The following PRELID2 variants were observed in gnomAD, a reference collection of about 807,000 sequenced individuals.
The protein encoded by PRELID2 is PRELI domain containing 2.
Under a neutral mutation model 28.4 loss-of-function variants are expected in PRELID2, and 25 were observed. The ratio of observed to expected loss-of-function variants is 0.88; its 90% CI spans 0.64 to 1.23. The LOEUF (loss-of-function observed/expected upper bound fraction) is 1.23. Ranked by LOEUF, PRELID2 falls within the 50% of genes most tolerant of loss-of-function variation. The pLI is 0.00. For missense variants in PRELID2, 201 were observed against 214.4 expected, an observed-to-expected ratio of 0.94 and a Z score of 0.39; for synonymous variants, 76 against 71.6, an observed-to-expected ratio of 1.06 and a Z score of -0.31.
chr5:145,340,474 A>G, the PRELID2 span, among the ~76,000 whole-genome samples: 1 of 152,126 alleles, frequency 6.6e-6, no homozygotes, highest in Admixed American at 6.5e-5. Flanking sequence ...AGGCCTAGGA[A>G]TCAGGCTTTC....
chr5:145,499,139 T>A (rs760636822), intron 1 of PRELID2, among the ~76,000 whole-genome samples: 16 of 152,118 alleles, frequency 1.1e-4, no homozygotes, highest in Non-Finnish European at 2.1e-4. Context: ...TTCTAGCTAC[T>A]TGGGAGGCTA....
intron 1 of PRELID2, among the ~76,000 whole-genome samples, chr5:145,592,010 G>A (rs559359244): frequency 6.6e-6 from 1 of 152,294 alleles, no homozygotes; most frequent in East Asian, 1.9e-4. Flanking sequence ...TGCTGAGAGA[G>A]AGGAAAATTT....
the PRELID2 span, among the ~76,000 whole-genome samples, chr5:145,358,280 G>A: frequency 1.4e-4 from 21 of 152,172 alleles, 1 homozygote; most frequent in Middle Eastern, 0.01. Flanking sequence ...GGTGGATGGA[G>A]TTGTTCACCT....
the PRELID2 span, among the ~76,000 whole-genome samples, chr5:145,420,357 C>T: frequency 6.6e-6 from 1 of 151,930 alleles, no homozygotes; most frequent in African/African-American, 2.4e-5. Flanking sequence ...ATTCTTCCTA[C>T]CCATGAGCAT....
At chr5:145,502,305 G>A (rs1752366694) in intron 1 of PRELID2, among the ~76,000 whole-genome samples, 2 of 152,092 alleles carry the variant, frequency 1.3e-5, no homozygotes, top group Non-Finnish European at 2.9e-5. Context: ...TCCCTATCAT[G>A]AGAACAGCAC....
chr5:145,774,879 T>C (rs1198957607), intron 5 of PRELID2, among the ~76,000 whole-genome samples: 1 of 152,092 alleles, frequency 6.6e-6, no homozygotes, highest in Non-Finnish European at 1.5e-5. Context: ...TACCTATAAG[T>C]CAATTACATA....
chr5:145,828,515 C>A (rs1319282538), intron 1 of PRELID2, among the ~76,000 whole-genome samples: 1 of 152,094 alleles, frequency 6.6e-6, no homozygotes, highest in Admixed American at 6.5e-5. Flanking sequence ...CGTGCTTTAC[C>A]AGTTCGGAAT....
At chr5:145,751,842 C>T (rs1434134675), downstream of PRELID2, among the ~76,000 whole-genome samples, 2 of 151,994 alleles carry the variant, frequency 1.3e-5, no homozygotes, top group African/African-American at 4.8e-5. Flanking sequence ...ATTAGCTAGG[C>T]GTGGTGGCGG....
the PRELID2 span, among the ~76,000 whole-genome samples, chr5:145,380,350 G>C: frequency 3.9e-5 from 6 of 152,028 alleles, no homozygotes; most frequent in Non-Finnish European, 8.8e-5. Context: ...TCCACTCTTG[G>C]TGCCTTCCCT....
At chr5:145,607,607 G>C (rs562210472) in intron 1 of PRELID2, among the ~76,000 whole-genome samples, 1 of 152,238 alleles carries the variant, frequency 6.6e-6, no homozygotes, top group South Asian at 2.1e-4. Context: ...GTCCAAGAGT[G>C]TGTTTGGTAC....
chr5:145,394,271 T>C, the PRELID2 span, among the ~76,000 whole-genome samples: 1 of 152,150 alleles, frequency 6.6e-6, no homozygotes, highest in African/African-American at 2.4e-5. Flanking sequence ...GATGAGTTCA[T>C]GTCCTTTGTA....
chr5:145,662,944 C>A (rs1474531399), intron 1 of PRELID2, among the ~76,000 whole-genome samples: 1 of 152,124 alleles, frequency 6.6e-6, no homozygotes, highest in Non-Finnish European at 1.5e-5. Context: ...AGTACAGATT[C>A]TACACCTGTA....
the PRELID2 span, among the ~76,000 whole-genome samples, chr5:145,464,089 G>C: frequency 6.6e-6 from 1 of 152,116 alleles, no homozygotes; most frequent in Admixed American, 6.5e-5. Flanking sequence ...ACATATTAAA[G>C]ATATTAAATC....
rs560697872 is a variant in PRELID2 at position 145,713,762 on chromosome 5, T to C, written n.70+51169A>G. 4.8e-5 allele frequency among the ~76,000 whole-genome samples: 7 copies of C among 144,464 alleles called. No individual in the cohort carries two copies. The South Asian group carries it at 1.3e-3, about 27-fold the overall frequency. 94.8% of individuals were successfully genotyped at this position (144,464 alleles called of 152,430 possible). ...AGAGTTCTTCTGGCACATATATATA[T>C]GCCAGAAGACAATGGAATTACATTT... On this transcript the variant is annotated intron_variant and non_coding_transcript_variant, in intron 1 of 2. Transcript: ENST00000510259.
chr5:145,575,763 G>GAA (rs1753055436), intron 1 of PRELID2, among the ~76,000 whole-genome samples: 1 of 152,144 alleles, frequency 6.6e-6, no homozygotes. Context: ...GGAGCATGAG[G>GAA]AAGATTACAT....
At chr5:145,636,330 C>T (rs1754001792) in intron 1 of PRELID2, among the ~76,000 whole-genome samples, 1 of 152,222 alleles carries the variant, frequency 6.6e-6, no homozygotes, top group Non-Finnish European at 1.5e-5. Context: ...CTTCTGACAT[C>T]TATCCATCTC....
At chr5:145,232,484 T>G in the PRELID2 span, among the ~76,000 whole-genome samples, 1 of 152,112 alleles carries the variant, frequency 6.6e-6, no homozygotes, top group Non-Finnish European at 1.5e-5. Context: ...GATTACTTAG[T>G]AGAGGAGCGA....
the PRELID2 span, among the ~76,000 whole-genome samples, chr5:145,384,728 C>T: frequency 2.4e-4 from 37 of 152,114 alleles, no homozygotes; most frequent in African/African-American, 7.2e-4. Flanking sequence ...ACAATCATGG[C>T]GGAAGGTGAA....
chr5:145,245,591 T>A, the PRELID2 span, among the ~76,000 whole-genome samples: 3 of 152,060 alleles, frequency 2.0e-5, no homozygotes, highest in Admixed American at 6.6e-5. Flanking sequence ...AAAGAATGAA[T>A]GACAAGGTCA....
Sources: gnomAD v4.1 joint callset for allele counts (sites outside exome capture counted in the v4.1 genomes callset) on GRCh38, gnomAD v4.1.1 for gene constraint, MANE v1.5 for transcripts, NCBI Gene and HGNC (gene_info 2026-07-23, HGNC 2026-07-21) for gene names.